UNC13C: variants seen among roughly 807,000 people sequenced by gnomAD.
UNC13C encodes unc-13 homolog C.
In UNC13C, 174 loss-of-function variants were observed where a neutral mutation model predicts 245.4. The ratio of observed to expected loss-of-function variants is 0.71; its 90% CI spans 0.63 to 0.80. UNC13C has a LOEUF of 0.80. Among genes scored for constraint, UNC13C ranks in the 30% least tolerant of loss-of-function variants. The pLI is 0.00. For synonymous variants in UNC13C, 992 were observed against 895.1 expected (o/e 1.11, Z -1.93); for missense variants, 2,829 against 2,602.9 (o/e 1.09, Z -1.89).
intron 29 of UNC13C, among the ~76,000 whole-genome samples, chr15:54,558,307 A>G (rs1897169609): frequency 6.6e-6 from 1 of 152,094 alleles, no homozygotes; most frequent in South Asian, 2.1e-4. Context: ...AAAAGTGAAG[A>G]GATTTCAGTT....
At chr15:54,214,923 A>G (rs951928582) in intron 4 of UNC13C, among the ~76,000 whole-genome samples, 6 of 151,864 alleles carry the variant, frequency 4.0e-5, no homozygotes, top group African/African-American at 1.4e-4. Flanking sequence ...CCTAAATAGC[A>G]TGAATTTTAA....
At chr15:54,265,332 A>G (rs1275037693) in intron 9 of UNC13C, 23 bp from the exon 10 acceptor site, 1 of 1,438,902 alleles carries the variant, frequency 6.9e-7, no homozygotes, top group Non-Finnish European at 9.2e-7. Flanking sequence ...GTATGTTAAA[A>G]TGTTTATTTT....
intron 19 of UNC13C, among the ~76,000 whole-genome samples, chr15:54,462,292 C>A (rs1891889991): frequency 6.6e-6 from 1 of 152,214 alleles, no homozygotes; most frequent in Non-Finnish European, 1.5e-5. Flanking sequence ...TGAGAGGTGA[C>A]AATGTGCTGG....
chr15:54,486,080 C>T lies in UNC13C; in HGVS notation c.4934-8528C>T, dbSNP rs116467248. ...ATAAGCTCCATGATGGCAGGGACAC[C>T]GTGTCTTTTTCTTTGCTGTATTTCC... On this transcript the variant is annotated intron_variant, in intron 19 of 32. Transcript: ENST00000260323. Among the ~76,000 whole-genome samples the T allele has an allele frequency of 5.1e-3, 771 of 152,150 alleles. 6 individuals carry two copies. The highest frequency in any genetic ancestry group is 0.018 in the African/African-American group (738 of 41,498).
intron 2 of UNC13C, among the ~76,000 whole-genome samples, chr15:54,045,767 T>C (rs1182697686): frequency 6.6e-6 from 1 of 152,234 alleles, no homozygotes; most frequent in African/African-American, 2.4e-5. Flanking sequence ...GAGAATATCC[T>C]ATTTTTCATC....
the UNC13C span, among the ~76,000 whole-genome samples, chr15:53,907,329 A>G: frequency 6.6e-6 from 1 of 152,210 alleles, no homozygotes; most frequent in Non-Finnish European, 1.5e-5. Flanking sequence ...TTGATGGTTG[A>G]TGTAAATTCT....
the UNC13C span, among the ~76,000 whole-genome samples, chr15:53,968,802 G>A: frequency 2.7e-3 from 407 of 152,252 alleles, 2 homozygotes; most frequent in Middle Eastern, 0.01. Flanking sequence ...TTTTCATTCA[G>A]ATTGTTTTAA....
intron 2 of UNC13C, among the ~76,000 whole-genome samples, chr15:54,136,910 A>G (rs958745510): frequency 6.6e-6 from 1 of 151,610 alleles, no homozygotes; most frequent in Non-Finnish European, 1.5e-5. Context: ...GGTACCATCT[A>G]GGCTCACTGC....
intron 2 of UNC13C, among the ~76,000 whole-genome samples, chr15:54,035,432 G>T (rs1276278659): frequency 1.3e-5 from 2 of 152,132 alleles, no homozygotes. Flanking sequence ...CAGTGATGGT[G>T]ATGAGAATTT....
intron 8 of UNC13C, among the ~76,000 whole-genome samples, chr15:54,259,189 GTTTCAATATATGAC>G (rs1181215586): frequency 2.0e-5 from 3 of 152,208 alleles, no homozygotes; most frequent in Non-Finnish European, 4.4e-5. Flanking sequence ...CGGAGATTAG[GTTTCAATATATGAC>G]TTTCAATGGG....
chr15:54,587,327 C>T (rs557054783), intron 30 of UNC13C, among the ~76,000 whole-genome samples: 16 of 152,268 alleles, frequency 1.1e-4, no homozygotes, highest in African/African-American at 3.4e-4. Flanking sequence ...ACCCGTGAAA[C>T]ATTTATATGA....
At chr15:54,072,957 G>T (rs891029007) in intron 2 of UNC13C, among the ~76,000 whole-genome samples, 1 of 151,794 alleles carries the variant, frequency 6.6e-6, no homozygotes, top group African/African-American at 2.4e-5. Context: ...AGGTATACAC[G>T]TGCCATGGTG....
intron 2 of UNC13C, among the ~76,000 whole-genome samples, chr15:54,139,116 T>C (rs1359191940): frequency 2.0e-5 from 3 of 151,584 alleles, no homozygotes; most frequent in African/African-American, 2.4e-5. Context: ...CGCACCACCA[T>C]GCCCAGCTAA....
At chr15:54,167,500 C>CAAAAAA (rs67762910) in intron 4 of UNC13C, among the ~76,000 whole-genome samples, 4 of 90,638 alleles carry the variant, frequency 4.4e-5, no homozygotes, top group Non-Finnish European at 8.7e-5. Context: ...ACACTCGTCT[C>CAAAAAA]AAAAAAAAAA....
At chr15:54,437,798 C>G (rs1171269516) in intron 19 of UNC13C, among the ~76,000 whole-genome samples, 1 of 151,780 alleles carries the variant, frequency 6.6e-6, no homozygotes, top group Non-Finnish European at 1.5e-5. Context: ...TATGGTTTCT[C>G]CTATACATTT....
In UNC13C at chr15:54,038,124, A is replaced by ATATAT; in HGVS notation, c.2983+22239_2983+22240insATATT. Among the ~76,000 whole-genome samples, 114 of 45,036 alleles carry ATATAT rather than the reference A, an allele frequency of 2.5e-3. 2 individuals carry two copies. Among genetic ancestry groups the ATATAT allele is most frequent in the African/African-American group, 0.012 (110 of 9,452 alleles). The allele number at this position is 45,036 out of a possible 152,430, so 29.5% of individuals were successfully genotyped here. A position where few individuals can be genotyped will look rare whatever the true frequency, so the allele number is the denominator to read the frequency against. ...CATATATATATATATATATATATATATTTTTTTTTTTTTTTTCCTGAGACA... is the reference window on the plus strand; with the variant it reads ...CATATATATATATATATATATATATATATATTTTTTTTTTTTTTTTTCCTGAGACA... On this transcript the variant is annotated intron_variant, in intron 2 of 32. Transcript: ENST00000260323.
intron 1 of UNC13C, among the ~76,000 whole-genome samples, chr15:53,993,025 C>T (rs1483123708): frequency 6.6e-6 from 1 of 152,110 alleles, no homozygotes; most frequent in East Asian, 1.9e-4. Context: ...ACGGACTATC[C>T]ATTTTCTACA....
intron 2 of UNC13C, among the ~76,000 whole-genome samples, chr15:54,142,296 G>C (rs780322947): frequency 3.9e-5 from 6 of 152,100 alleles, no homozygotes; most frequent in Non-Finnish European, 8.8e-5. Flanking sequence ...TGTAGACCAA[G>C]CACCCTTCAC....
chr15:54,254,348 T>C (rs2140873192), intron 8 of UNC13C, among the ~76,000 whole-genome samples: 1 of 152,346 alleles, frequency 6.6e-6, no homozygotes, highest in South Asian at 2.1e-4. Context: ...TGAACAGATG[T>C]GAACATGTAT....
Sources: allele counts gnomAD v4.1 joint callset (sites outside exome capture counted in the v4.1 genomes callset), GRCh38; gene constraint gnomAD v4.1.1; transcripts MANE v1.5; gene names NCBI Gene and HGNC (gene_info 2026-07-23, HGNC 2026-07-21).